COPS7B: variants seen among roughly 807,000 people sequenced by gnomAD.
The protein encoded by COPS7B is COP9 signalosome subunit 7B.
Under a neutral mutation model 33.4 loss-of-function variants are expected in COPS7B, and 9 were observed. The ratio of observed to expected loss-of-function variants is 0.27; its 90% CI spans 0.16 to 0.47. The LOEUF is 0.47. Among genes scored for constraint, COPS7B ranks in the 20% least tolerant of loss-of-function variants. The pLI, the probability that COPS7B is intolerant of heterozygous loss-of-function variation, is 0.99. For missense variants in COPS7B, 242 were observed against 318.2 expected (o/e 0.76, Z 1.82); for synonymous variants, 119 against 126.3 (o/e 0.94, Z 0.39).
At chr2:231,801,961 G>A (rs974350421) in intron 6 of COPS7B, among the ~76,000 whole-genome samples, 7 of 152,022 alleles carry the variant, frequency 4.6e-5, no homozygotes, top group African/African-American at 1.7e-4. Flanking sequence ...TTTTAGTAGA[G>A]ACGGGGTTTC....
upstream of COPS7B, among the ~76,000 whole-genome samples, chr2:231,784,152 T>G (rs2049187094): frequency 6.6e-6 from 1 of 151,330 alleles, no homozygotes; most frequent in Non-Finnish European, 1.5e-5. Context: ...GCGACAAAGC[T>G]GGAGTTAGGA....
rs544909978 is a variant in COPS7B, at chr2:231,801,147, G to C, written c.636+2183G>C. 145 of 1,550,366 alleles carry C rather than the reference G, an allele frequency of 9.4e-5. 1 individual carries two copies. Among genetic ancestry groups the C allele is most frequent in the Admixed American group, 2.6e-4 (13 of 50,940 alleles). ...TATTTGTCCTTAAATTAGATTGCTT[G>C]TTTTCAGAGGGAAAAACGTGATGTC... On this transcript the variant is annotated intron_variant, in intron 6 of 6. Coordinates refer to ENST00000350033, the MANE Select transcript of COPS7B (RefSeq NM_022730.4).
At chr2:231,806,589 CT>C (rs2049901603) in intron 6 of COPS7B, among the ~76,000 whole-genome samples, 1 of 150,304 alleles carries the variant, frequency 6.7e-6, no homozygotes, top group Non-Finnish European at 1.5e-5. Context: ...AAAGCTATTA[CT>C]TATTTGACTG....
chr2:231,794,858 C>T (rs533827571), intron 4 of COPS7B, among the ~76,000 whole-genome samples: 6 of 152,000 alleles, frequency 3.9e-5, no homozygotes, highest in South Asian at 2.1e-4. Context: ...CAGATTCGAG[C>T]GATTCCCCTA....
chr2:231,781,733 G>A (rs2049135937), upstream of COPS7B: 4 of 1,086,258 alleles, frequency 3.7e-6, no homozygotes, highest in African/African-American at 1.6e-5. Flanking sequence ...CGCAGTGTGC[G>A]CAAATTCACA....
chr2:231,782,466 T>G (rs1437554104), upstream of COPS7B, among the ~76,000 whole-genome samples: 1 of 152,238 alleles, frequency 6.6e-6, no homozygotes, highest in Non-Finnish European at 1.5e-5. Context: ...ACGGTTTCCT[T>G]GGAAACCTCC....
intron 6 of COPS7B, among the ~76,000 whole-genome samples, chr2:231,800,253 T>G (rs56272010): frequency 0.19 from 29,667 of 152,210 alleles, 3,330 homozygotes; most frequent in Non-Finnish European, 0.25. Flanking sequence ...AAGGAAGTGT[T>G]AACTATATTT....
chr2:231,804,156 A>C (rs889128296), intron 6 of COPS7B, among the ~76,000 whole-genome samples: 1 of 152,202 alleles, frequency 6.6e-6, no homozygotes, highest in South Asian at 2.1e-4. Flanking sequence ...GGATTGATTA[A>C]TGCCTTTTCC....
intron 6 of COPS7B, among the ~76,000 whole-genome samples, chr2:231,803,313 G>A (rs914851990): frequency 2.0e-5 from 3 of 152,114 alleles, no homozygotes; most frequent in African/African-American, 7.2e-5. Flanking sequence ...ACAACAGAAG[G>A]GCATAGGGGG....
intron 2 of COPS7B, chr2:231,791,166 AGT>A (rs1427868664): frequency 1.3e-5 from 2 of 154,764 alleles, no homozygotes; most frequent in African/African-American, 2.4e-5. Flanking sequence ...CATCAGCATC[AGT>A]GAAGAGTAAG....
intron 2 of COPS7B, chr2:231,790,893 C>T (rs980698128): frequency 3.3e-5 from 5 of 152,520 alleles, no homozygotes; most frequent in South Asian, 2.1e-4. Flanking sequence ...CGCCCGCCAC[C>T]GCGCCCGGCT....
At chr2:231,804,258 T>G (rs2049829897) in intron 6 of COPS7B, among the ~76,000 whole-genome samples, 1 of 151,878 alleles carries the variant, frequency 6.6e-6, no homozygotes, top group Non-Finnish European at 1.5e-5. Flanking sequence ...ATTTTTTTTT[T>G]TTTTTTTGAG....
upstream of COPS7B, chr2:231,781,691 G>T: frequency 1.4e-6 from 1 of 704,606 alleles, no homozygotes; most frequent in South Asian, 1.8e-5. Flanking sequence ...CCCTGCACTC[G>T]GTTCCTCTGT....
At chr2:231,784,289 C>T (rs1437736143), upstream of COPS7B, among the ~76,000 whole-genome samples, 1 of 150,786 alleles carries the variant, frequency 6.6e-6, no homozygotes, top group Non-Finnish European at 1.5e-5. Flanking sequence ...CCAGCTTGAG[C>T]AACATAGTGA....
Position 231,809,042 on chromosome 2 carries a change from C to G in COPS7B, c.*1397C>G, listed in dbSNP as rs2049978718. On this transcript the variant is annotated 3_prime_UTR_variant, in exon 7 of 7. Transcript: ENST00000350033. Reference sequence around the variant, plus strand: ...GCCATGGTCAAAAAATGGATTTCTCCTTTTTCTAAAATGTCCAGCAACTGC... The same window carrying G: ...GCCATGGTCAAAAAATGGATTTCTCGTTTTTCTAAAATGTCCAGCAACTGC... The G allele has an allele frequency of 6.6e-6, 1 of 152,320 alleles. No homozygotes were observed. Among genetic ancestry groups the G allele is most frequent in the African/African-American group, 2.4e-5 (1 of 41,388 alleles). 9.4% of individuals were successfully genotyped at this position (152,320 alleles called of 1,614,324 possible).
At chr2:231,790,478 G>A (rs995738333) in intron 2 of COPS7B, 4 of 152,194 alleles carry the variant, frequency 2.6e-5, no homozygotes, top group African/African-American at 9.7e-5. Context: ...TTATGGTGCT[G>A]GAGTTCTCCA....
intron 2 of COPS7B, chr2:231,788,971 A>G: frequency 2.4e-6 from 1 of 410,698 alleles, no homozygotes; most frequent in Non-Finnish European, 4.4e-6. Flanking sequence ...AAGATAGTAA[A>G]AAAGTCAAAT....
Position 231,808,514 on chromosome 2 carries a change from A to C in COPS7B, c.*869A>C, listed in dbSNP as rs2049961153. 1 of 471,050 alleles carries C rather than the reference A, an allele frequency of 2.1e-6. No homozygotes were observed. The highest frequency in any genetic ancestry group is 1.5e-5 in the South Asian group (1 of 64,562). The allele number at this position is 471,050 out of a possible 1,614,324, so 29.2% of individuals were successfully genotyped here. ...CACCTGGGTAGGGATGGTGGCATCG[A>C]TGCCCCTCTGTCTGCTGAAGGACCT... is the stretch of plus-strand genomic sequence containing the variant. On this transcript the variant is annotated 3_prime_UTR_variant, in exon 7 of 7. Coordinates refer to ENST00000350033, the MANE Select transcript of COPS7B (RefSeq NM_022730.4).
upstream of COPS7B, among the ~76,000 whole-genome samples, chr2:231,784,905 T>C (rs552964107): frequency 6.6e-6 from 1 of 152,324 alleles, no homozygotes; most frequent in Non-Finnish European, 1.5e-5. Flanking sequence ...CTCCACCTCC[T>C]GGGTTCAAGC....
Sources: gnomAD v4.1 joint callset for allele counts (sites outside exome capture counted in the v4.1 genomes callset) on GRCh38, gnomAD v4.1.1 for gene constraint, MANE v1.5 for transcripts, NCBI Gene and HGNC (gene_info 2026-07-23, HGNC 2026-07-21) for gene names.